Variants in ORC4 observed in about 807,000 individuals in gnomAD.
ORC4 encodes the protein origin recognition complex subunit 4, also known as origin recognition complex, subunit 4 homolog.
In ORC4, 55 loss-of-function variants were observed where a neutral mutation model predicts 63.9. The observed-to-expected ratio is 0.86, with a 90% CI of 0.69 to 1.08. The LOEUF (loss-of-function observed/expected upper bound fraction) is 1.08. Among genes scored for constraint, ORC4 ranks in the 50% least tolerant of loss-of-function variants. The probability of loss-of-function intolerance (pLI) is 0.00; values close to 1 mark genes in which losing one functional copy is unlikely to be tolerated. For missense variants in ORC4, 511 were observed against 504.4 expected (o/e 1.01, Z -0.13); for synonymous variants, 150 against 168.5 (o/e 0.89, Z 0.85).
chr2:148,016,268 C>T (rs1056550441), intron 1 of ORC4, among the ~76,000 whole-genome samples: 1 of 152,116 alleles, frequency 6.6e-6, no homozygotes, highest in Non-Finnish European at 1.5e-5. Flanking sequence ...GAAGAAGCTC[C>T]AAAGCACTTC....
chr2:147,941,004 T>C lies in ORC4; in HGVS notation c.850-1756A>G, dbSNP rs187512085. ...TACTATTAGGTTGGTGCAAAAGTAATTGCCATTTTGGGCACTGAAAGTAAT... is the reference window on the plus strand; with the variant it reads ...TACTATTAGGTTGGTGCAAAAGTAACTGCCATTTTGGGCACTGAAAGTAAT... On this transcript the variant is annotated intron_variant, in intron 10 of 13. Coordinates refer to ENST00000392857, the MANE Select transcript of ORC4 (RefSeq NM_181741.4). Among the ~76,000 whole-genome samples, 10 of 152,204 alleles carry C rather than the reference T, an allele frequency of 6.6e-5. No homozygotes were observed. The East Asian group carries it at 1.9e-3, about 29-fold the overall frequency.
chr2:147,935,427 AG>A lies in ORC4; in HGVS notation c.*82del. 1 of 991,564 alleles carries A rather than the reference AG, an allele frequency of 1.0e-6. No individual in the cohort carries two copies. Among genetic ancestry groups the A allele is most frequent in the Non-Finnish European group, 1.6e-6 (1 of 621,366 alleles). The allele number at this position is 991,564 out of a possible 1,614,324, so 61.4% of individuals were successfully genotyped here. A position where few individuals can be genotyped will look rare whatever the true frequency, so the allele number is the denominator to read the frequency against. ...ATACAAGAATGTTTATAGAATGTTT[AG>A]CATATCATGTTAATGGACAATAGTT... On this transcript the variant is annotated 3_prime_UTR_variant, in exon 14 of 14. Transcript: ENST00000392857.
At chr2:147,977,513 C>A (rs900410028) in intron 1 of ORC4, among the ~76,000 whole-genome samples, 3 of 152,122 alleles carry the variant, frequency 2.0e-5, no homozygotes, top group Non-Finnish European at 4.4e-5. Context: ...TTTGTGTTAG[C>A]GTTGAGATTC....
In ORC4 at chr2:147,995,751, G is replaced by A. The variant is rs565842203; in HGVS notation, c.-17-19776C>T. On this transcript the variant is annotated intron_variant, in intron 1 of 13. Coordinates refer to ENST00000392857, the MANE Select transcript of ORC4 (RefSeq NM_181741.4). ...GAACCCAATGGAAGGAAGAAACTCC[G>A]GACACATCTGAACATCTGAACAAAC... Among the ~76,000 whole-genome samples, 78 of 151,750 alleles carry A rather than the reference G, an allele frequency of 5.1e-4. 1 individual carries two copies. In the South Asian group the frequency reaches 0.016, roughly 30 times the overall value.
At chr2:147,967,472 C>G (rs1009676862) in intron 4 of ORC4, among the ~76,000 whole-genome samples, 1 of 151,186 alleles carries the variant, frequency 6.6e-6, no homozygotes, top group Non-Finnish European at 1.5e-5. Context: ...ATACAATAAC[C>G]AGTACTGTTT....
intron 4 of ORC4, among the ~76,000 whole-genome samples, chr2:147,961,809 A>C (rs1689609507): frequency 6.6e-6 from 1 of 152,220 alleles, no homozygotes; most frequent in South Asian, 2.1e-4. Context: ...GATAAATACT[A>C]TGATTTAATG....
At chr2:148,017,247 A>T (rs1414088412) in intron 1 of ORC4, among the ~76,000 whole-genome samples, 1 of 152,262 alleles carries the variant, frequency 6.6e-6, no homozygotes, top group Admixed American at 6.5e-5. Context: ...TCAACATGTA[A>T]TCATAATGAA....
rs1376716096 is a variant in ORC4, at chr2:147,933,503, G to C, written c.*2007C>G. On this transcript the variant is annotated 3_prime_UTR_variant, in exon 14 of 14. Coordinates refer to ENST00000392857, the MANE Select transcript of ORC4 (RefSeq NM_181741.4). ...TAACGGTTTCATGTTTACCTCAATT[G>C]GTACTTAGTCTTAAAATCTTTCTTT... 1 of 151,776 alleles carries C rather than the reference G, an allele frequency of 6.6e-6. No homozygotes were observed. Among genetic ancestry groups the C allele is most frequent in the East Asian group, 1.9e-4 (1 of 5,182 alleles). The allele number at this position is 151,776 out of a possible 1,614,324, so 9.4% of individuals were successfully genotyped here.
chr2:147,953,581 A>G (rs750090071), intron 7 of ORC4, among the ~76,000 whole-genome samples: 5 of 152,210 alleles, frequency 3.3e-5, no homozygotes, highest in Non-Finnish European at 7.4e-5. Flanking sequence ...CATTTCTTGT[A>G]GAAATACTTT....
rs2105238946 is a variant in ORC4 at position 147,932,441 on chromosome 2, A to G, written c.*3069T>C. ...AGCTACCAATGACTTTCTTCACAGA[A>G]TTGGAAAAAACTACTTAAGTTCATA... is the stretch of plus-strand genomic sequence containing the variant. On this transcript the variant is annotated 3_prime_UTR_variant, in exon 14 of 14. Transcript: ENST00000392857. 6.6e-6 allele frequency: 1 copy of G among 152,278 alleles called. No individual in the cohort carries two copies. Among genetic ancestry groups the G allele is most frequent in the Non-Finnish European group, 1.5e-5 (1 of 68,020 alleles). The allele number at this position is 152,278 out of a possible 1,614,324, so 9.4% of individuals were successfully genotyped here. A position where few individuals can be genotyped will look rare whatever the true frequency, so the allele number is the denominator to read the frequency against.
chr2:148,016,765 A>C (rs941223294), intron 1 of ORC4, among the ~76,000 whole-genome samples: 2 of 152,234 alleles, frequency 1.3e-5, no homozygotes, highest in Non-Finnish European at 2.9e-5. Flanking sequence ...TTAATTAATA[A>C]AGATATGTTA....
At chr2:147,947,883 A>G (rs1688742389) in intron 9 of ORC4, 168 bp downstream of exon 9, 1 of 554,354 alleles carries the variant, frequency 1.8e-6, no homozygotes. Flanking sequence ...TGACATTTCA[A>G]CTGTCTAAGA....
chr2:147,960,671 G>A (rs1207316462), intron 4 of ORC4, among the ~76,000 whole-genome samples: 1 of 152,146 alleles, frequency 6.6e-6, no homozygotes, highest in East Asian at 1.9e-4. Context: ...TATGCAACTA[G>A]GAGAAATATC....
At chr2:148,000,339 A>G (rs1692224517) in intron 1 of ORC4, among the ~76,000 whole-genome samples, 1 of 152,244 alleles carries the variant, frequency 6.6e-6, no homozygotes, top group South Asian at 2.1e-4. Flanking sequence ...GAGATCGTAT[A>G]ATCTTCCACA....
At chr2:147,965,152 G>A (rs751784815) in intron 4 of ORC4, among the ~76,000 whole-genome samples, 3 of 152,066 alleles carry the variant, frequency 2.0e-5, no homozygotes, top group African/African-American at 4.8e-5. Context: ...ATACATAAAG[G>A]AGAAAGAGAA....
intron 1 of ORC4, among the ~76,000 whole-genome samples, chr2:148,003,313 A>G (rs912383393): frequency 6.6e-6 from 1 of 152,230 alleles, no homozygotes; most frequent in Non-Finnish European, 1.5e-5. Flanking sequence ...CAACAAAAAA[A>G]GAAAATTCCA....
Position 147,933,121 on chromosome 2 carries a change from T to A in ORC4, c.*2389A>T, listed in dbSNP as rs538339860. 5.9e-5 allele frequency: 9 copies of A among 152,130 alleles called. No homozygotes were observed. The highest frequency in any genetic ancestry group is 1.0e-4 in the Non-Finnish European group (7 of 68,020). The allele number at this position is 152,130 out of a possible 1,614,324, so 9.4% of individuals were successfully genotyped here. A position where few individuals can be genotyped will look rare whatever the true frequency, so the allele number is the denominator to read the frequency against. On this transcript the variant is annotated 3_prime_UTR_variant, in exon 14 of 14. Transcript: ENST00000392857. ...ACACTGAAATATTCCTCCTTTCACCTGCTTTTCAGTTTGAGGTAATCAGAT... is the reference window on the plus strand; with the variant it reads ...ACACTGAAATATTCCTCCTTTCACCAGCTTTTCAGTTTGAGGTAATCAGAT...
intron 9 of ORC4, 68 bp from the exon 10 acceptor site, chr2:147,943,590 T>C (rs1688494664): frequency 1.2e-6 from 1 of 850,210 alleles, no homozygotes; most frequent in Non-Finnish European, 1.9e-6. Flanking sequence ...AATATAATCC[T>C]GTGCCTTACT....
chr2:147,960,677 A>C (rs1689539747), intron 4 of ORC4, among the ~76,000 whole-genome samples: 1 of 152,218 alleles, frequency 6.6e-6, no homozygotes, highest in East Asian at 1.9e-4. Flanking sequence ...ACTAGGAGAA[A>C]TATCCTATTT....
Sources: gnomAD v4.1 joint callset for allele counts (sites outside exome capture counted in the v4.1 genomes callset) on GRCh38, gnomAD v4.1.1 for gene constraint, MANE v1.5 for transcripts, NCBI Gene and HGNC (gene_info 2026-07-23, HGNC 2026-07-21) for gene names.